The following GNAL variants were observed in gnomAD, a reference collection of about 807,000 sequenced individuals.
GNAL encodes G protein subunit alpha L.
In GNAL, 18 loss-of-function variants were observed where a neutral mutation model predicts 55.1. The ratio of observed to expected loss-of-function variants is 0.33; its 90% CI spans 0.23 to 0.48. The LOEUF is 0.48. Ranked by LOEUF, GNAL falls within the 20% of genes least tolerant of loss-of-function variation. The pLI, the probability that GNAL is intolerant of heterozygous loss-of-function variation, is 0.99. For synonymous variants in GNAL, 253 were observed against 237.0 expected, an observed-to-expected ratio of 1.07 and a Z score of -0.62; for missense variants, 412 against 614.1, an observed-to-expected ratio of 0.67 and a Z score of 3.48.
intron 4 of GNAL, among the ~76,000 whole-genome samples, chr18:11,764,579 G>A (rs572435814): frequency 1.3e-5 from 2 of 152,338 alleles, no homozygotes; most frequent in African/African-American, 2.4e-5. Context: ...GGCCCAGGCG[G>A]GTGGATCACT....
In GNAL at chr18:11,689,522, C is replaced by T; in HGVS notation, c.-42C>T. The T allele has an allele frequency of 1.9e-6, 2 of 1,030,916 alleles. No individual in the cohort carries two copies. Among genetic ancestry groups the T allele is most frequent in the Non-Finnish European group, 1.2e-6 (1 of 805,666 alleles). The allele number at this position is 1,030,916 out of a possible 1,614,324, so 63.9% of individuals were successfully genotyped here. ...AACCAGGCCGCCCTCGGCGCCCAGC[C>T]TGCCCTAGTCCCGCGCGCCGCCCCC... On this transcript the variant is annotated 5_prime_UTR_variant, in exon 1 of 12. Coordinates refer to ENST00000334049, the MANE Select transcript of GNAL (RefSeq NM_182978.4).
chr18:11,802,105 G>T (rs2034536488), intron 4 of GNAL, among the ~76,000 whole-genome samples: 1 of 152,008 alleles, frequency 6.6e-6, no homozygotes. Context: ...AAGACTACTT[G>T]CCAAGAAAAT....
intron 5 of GNAL, 78 bp downstream of exon 5, chr18:11,825,093 C>T: frequency 1.2e-6 from 1 of 804,944 alleles, no homozygotes; most frequent in Non-Finnish European, 2.1e-6. Context: ...CTTCTCAGTA[C>T]TGAAGTTTCT....
chr18:11,831,289 T>A (rs748438637), intron 5 of GNAL, among the ~76,000 whole-genome samples: 2 of 152,168 alleles, frequency 1.3e-5, no homozygotes, highest in Non-Finnish European at 2.9e-5. Context: ...AGATGCTGCC[T>A]TGTCCTTCAG....
At chr18:11,784,928 G>C (rs1267965592) in intron 4 of GNAL, among the ~76,000 whole-genome samples, 1 of 152,180 alleles carries the variant, frequency 6.6e-6, no homozygotes, top group Non-Finnish European at 1.5e-5. Context: ...TTTAGAAAAG[G>C]GGAATAAACA....
At chr18:11,785,346 A>T (rs528792738) in intron 4 of GNAL, among the ~76,000 whole-genome samples, 2 of 152,326 alleles carry the variant, frequency 1.3e-5, no homozygotes, top group South Asian at 2.1e-4. Flanking sequence ...CACAAGGCAG[A>T]TGGAAGTATG....
intron 5 of GNAL, among the ~76,000 whole-genome samples, chr18:11,833,225 T>G (rs2035426283): frequency 6.6e-6 from 1 of 152,016 alleles, no homozygotes; most frequent in Non-Finnish European, 1.5e-5. Context: ...AGAGATGAGG[T>G]TTCACAATAT....
At chr18:11,878,873 C>G (rs2036592285) in intron 11 of GNAL, among the ~76,000 whole-genome samples, 1 of 151,646 alleles carries the variant, frequency 6.6e-6, no homozygotes, top group Non-Finnish European at 1.5e-5. Context: ...CAGCCAAAAG[C>G]CTATTTTTCA....
chr18:11,879,739 A>AT (rs2036617973), intron 11 of GNAL, among the ~76,000 whole-genome samples: 1 of 152,178 alleles, frequency 6.6e-6, no homozygotes, highest in Admixed American at 6.5e-5. Context: ...CATAGTGCAC[A>AT]TTAGCACATC....
intron 4 of GNAL, among the ~76,000 whole-genome samples, chr18:11,808,424 C>T (rs1028493449): frequency 6.6e-5 from 10 of 152,090 alleles, no homozygotes; most frequent in East Asian, 1.9e-4. Flanking sequence ...TATCTCTGTG[C>T]GAATTTAAAT....
In GNAL at chr18:11,715,488, A is replaced by G. The variant is rs191141853; in HGVS notation, c.376+25549A>G. Among the ~76,000 whole-genome samples, 745 of 152,056 alleles carry G rather than the reference A, an allele frequency of 4.9e-3. 8 individuals are homozygous for G. The highest frequency in any genetic ancestry group is 8.8e-3 in the Non-Finnish European group (595 of 67,958). ...AAAAAAAAAAAAAAAAGAAAAGAAA[A>G]CAAATGAGCACAGGGATTGCTAAGC... On this transcript the variant is annotated intron_variant, in intron 1 of 11. Transcript: ENST00000334049.
chr18:11,827,949 C>T (rs9963448), intron 5 of GNAL, among the ~76,000 whole-genome samples: 44,954 of 145,390 alleles, frequency 0.31, 8,048 homozygotes, highest in African/African-American at 0.51. Context: ...CCAGCCTGGG[C>T]GACAGAGCGA....
intron 4 of GNAL, among the ~76,000 whole-genome samples, chr18:11,775,057 C>A (rs549660382): frequency 4.6e-5 from 7 of 152,310 alleles, no homozygotes; most frequent in East Asian, 3.9e-4. Context: ...CAGCCCAGTG[C>A]GAGGCAGAGA....
At chr18:11,788,890 C>T (rs1216710331) in intron 4 of GNAL, among the ~76,000 whole-genome samples, 1 of 66,442 alleles carries the variant, frequency 1.5e-5, no homozygotes, top group South Asian at 5.1e-4. Flanking sequence ...GAGCAAGACT[C>T]CGTCTCGAAA....
chr18:11,816,266 T>C (rs946643706), intron 4 of GNAL, among the ~76,000 whole-genome samples: 2 of 152,252 alleles, frequency 1.3e-5, no homozygotes, highest in African/African-American at 2.4e-5. Flanking sequence ...ATCCATAAAA[T>C]GGAATAGAAC....
intron 4 of GNAL, among the ~76,000 whole-genome samples, chr18:11,764,185 A>G (rs1431578473): frequency 2.6e-5 from 4 of 151,850 alleles, no homozygotes; most frequent in Non-Finnish European, 4.4e-5. Context: ...GCTCACTGCA[A>G]CCTCCTCCCT....
chr18:11,723,280 A>T (rs929277749), intron 1 of GNAL, among the ~76,000 whole-genome samples: 10 of 152,242 alleles, frequency 6.6e-5, no homozygotes, highest in Non-Finnish European at 4.4e-5. Context: ...TGTTCCAATA[A>T]AACTTTACAA....
intron 1 of GNAL, among the ~76,000 whole-genome samples, chr18:11,707,380 GT>G (rs2031737729): frequency 6.6e-6 from 1 of 152,200 alleles, no homozygotes; most frequent in Non-Finnish European, 1.5e-5. Context: ...GAGCTCTTGG[GT>G]TACCGGGTGC....
At chr18:11,726,080 A>G (rs1015894598) in intron 1 of GNAL, among the ~76,000 whole-genome samples, 3 of 152,048 alleles carry the variant, frequency 2.0e-5, no homozygotes, top group Admixed American at 6.6e-5. Context: ...CTGTGAGTCT[A>G]TTTCTGGGCT....
Sources: gnomAD v4.1 joint callset for allele counts (sites outside exome capture counted in the v4.1 genomes callset) on GRCh38, gnomAD v4.1.1 for gene constraint, MANE v1.5 for transcripts, NCBI Gene and HGNC (gene_info 2026-07-23, HGNC 2026-07-21) for gene names.